ARHGEF10: variants seen among roughly 807,000 people sequenced by gnomAD.
The protein encoded by ARHGEF10 is Rho guanine nucleotide exchange factor (GEF) 10.
In ARHGEF10, 140 loss-of-function variants were observed where a neutral mutation model predicts 147.4. The ratio of observed to expected loss-of-function variants is 0.95; its 90% CI spans 0.83 to 1.09. ARHGEF10 has a LOEUF of 1.09. Ranked by LOEUF, ARHGEF10 falls within the 50% of genes least tolerant of loss-of-function variation. The pLI is 0.00. For missense variants in ARHGEF10, 2,222 were observed against 1,752.7 expected (o/e 1.27, Z -4.78); for synonymous variants, 902 against 695.8 (o/e 1.30, Z -4.67).
chr8:1,919,493 T>C (rs1262476483), intron 18 of ARHGEF10, among the ~76,000 whole-genome samples: 2 of 150,520 alleles, frequency 1.3e-5, no homozygotes, highest in African/African-American at 2.5e-5. Context: ...GTGATGGAGC[T>C]GTTCCGTGGG....
intron 3 of ARHGEF10, chr8:1,858,822 G>C (rs1187517755): frequency 1.1e-5 from 1 of 90,742 alleles, no homozygotes; most frequent in Admixed American, 1.3e-4. Flanking sequence ...TTCAGGTGTA[G>C]TACCAGCCTG....
At chr8:1,952,925 A>T (rs1055132860) in intron 28 of ARHGEF10, 98 bp downstream of exon 28, 3 of 1,522,748 alleles carry the variant, frequency 2.0e-6, no homozygotes, top group Non-Finnish European at 2.7e-6. Flanking sequence ...GATTCTTTAA[A>T]CAATTCATAT....
intron 25 of ARHGEF10, among the ~76,000 whole-genome samples, chr8:1,932,513 C>T (rs368756754): frequency 6.6e-6 from 1 of 151,660 alleles, no homozygotes; most frequent in Admixed American, 6.6e-5. Context: ...GGCATGTGCA[C>T]GTGTGTGTGT....
rs1378183981 is a variant in ARHGEF10, at chr8:1,945,603, C to A, written c.3345C>A (p.Leu1115=). Residue 1115 remains leucine, a synonymous_variant, in exon 27 of 29, where the codon CTC becomes CTA. Transcript: ENST00000349830. ...STLRLFHTET[L]KHLQDINIAT... Reference sequence around the variant, plus strand: ...TCCGCCTTTTTCACACGGAAACTCTCAAGCACCTGCAGGACATCAACATCG... The same window carrying A: ...TCCGCCTTTTTCACACGGAAACTCTAAAGCACCTGCAGGACATCAACATCG... 1.9e-6 allele frequency: 3 copies of A among 1,614,262 alleles called. No homozygotes were observed. The highest frequency in any genetic ancestry group is 1.3e-5 in the African/African-American group (1 of 75,068).
At chr8:1,951,550 C>G (rs1027400463) in intron 27 of ARHGEF10, among the ~76,000 whole-genome samples, 1 of 152,182 alleles carries the variant, frequency 6.6e-6, no homozygotes, top group Non-Finnish European at 1.5e-5. Context: ...GATACGGAGT[C>G]TTTGGCTCTG....
intron 9 of ARHGEF10, 35 bp downstream of exon 9, chr8:1,880,199 C>A (rs759315072): frequency 3.4e-6 from 5 of 1,490,908 alleles, no homozygotes; most frequent in Non-Finnish European, 4.7e-6. Flanking sequence ...CCCCCACTTG[C>A]CAGCCGGGCA....
intron 17 of ARHGEF10, among the ~76,000 whole-genome samples, chr8:1,908,261 C>G (rs927850558): frequency 3.0e-5 from 4 of 131,184 alleles, no homozygotes; most frequent in African/African-American, 6.5e-5. Context: ...GAAAGAGTCT[C>G]GCTCTGTCAC....
chr8:1,885,518 A>G, intron 10 of ARHGEF10, 83 bp from the exon 11 acceptor site: 3 of 988,506 alleles, frequency 3.0e-6, no homozygotes, highest in Non-Finnish European at 4.7e-6. Context: ...CAAAATATTT[A>G]TTTGACTTTT....
At chr8:1,941,613 A>C (rs1018153198) in intron 26 of ARHGEF10, among the ~76,000 whole-genome samples, 2 of 152,072 alleles carry the variant, frequency 1.3e-5, no homozygotes, top group Admixed American at 1.3e-4. Flanking sequence ...TGACAAGCAC[A>C]TCCTGAGATT....
intron 11 of ARHGEF10, among the ~76,000 whole-genome samples, chr8:1,886,606 G>C (rs935424248): frequency 6.6e-6 from 1 of 152,202 alleles, no homozygotes; most frequent in Non-Finnish European, 1.5e-5. Flanking sequence ...AGCATCACAC[G>C]AGTGACGGGA....
At chr8:1,866,382 T>C (rs1423070175) in intron 5 of ARHGEF10, 144 bp from the exon 6 acceptor site, 8 of 755,696 alleles carry the variant, frequency 1.1e-5, no homozygotes, top group African/African-American at 1.7e-5. Flanking sequence ...GCTGGGAAAA[T>C]ATGTGATTTC....
intron 2 of ARHGEF10, among the ~76,000 whole-genome samples, chr8:1,845,128 A>C (rs1406666147): frequency 6.6e-6 from 1 of 152,120 alleles, no homozygotes; most frequent in Non-Finnish European, 1.5e-5. Flanking sequence ...GGTGGGACTG[A>C]GACCCTGTCT....
intron 1 of ARHGEF10, among the ~76,000 whole-genome samples, chr8:1,841,842 A>ACCACGAGGCCAGGTG (rs1455031841): frequency 7.2e-4 from 82 of 114,544 alleles, no homozygotes; most frequent in Admixed American, 5.2e-3. Flanking sequence ...CGCGACGGGA[A>ACCACGAGGCCAGGTG]CTGGGGCCGC....
chr8:1,896,817 AC>A (rs1012550983), intron 14 of ARHGEF10, among the ~76,000 whole-genome samples: 1 of 152,186 alleles, frequency 6.6e-6, no homozygotes, highest in Non-Finnish European at 1.5e-5. Context: ...GGGGAGAGGC[AC>A]CGGCCTGGAG....
chr8:1,892,847 C>T (rs1436747862), intron 11 of ARHGEF10, among the ~76,000 whole-genome samples: 1 of 152,128 alleles, frequency 6.6e-6, no homozygotes, highest in Non-Finnish European at 1.5e-5. Flanking sequence ...TGATCACTAG[C>T]TGGACTGTGT....
In ARHGEF10 at chr8:1,929,332, C is replaced by T. The variant is rs753076955; in HGVS notation, c.2968C>T (p.Gln990Ter). ...SSQGSKKVRLQHFFTPEKSTV... is the reference protein window; with the variant it reads ...SSQGSKKVRL Reference sequence around the variant, plus strand: ...TCAAGGCTCCAAGAAAGTGAGACTTCAGCACTTTTTCACTCCTGAGAAGTC... The same window carrying T: ...TCAAGGCTCCAAGAAAGTGAGACTTTAGCACTTTTTCACTCCTGAGAAGTC... The change falls in exon 25 of 29, where the codon CAG becomes TAG. Residue 990 changes from glutamine (Q) to a stop codon, truncating the protein, a stop_gained. Transcript: ENST00000349830. LOFTEE classifies it high-confidence loss of function. 22 of 1,614,076 alleles carry T rather than the reference C, an allele frequency of 1.4e-5. No individual in the cohort carries two copies. Among genetic ancestry groups the T allele is most frequent in the Non-Finnish European group, 1.9e-5 (22 of 1,180,024 alleles).
intron 23 of ARHGEF10, chr8:1,927,115 T>G (rs906032495): frequency 6.3e-6 from 1 of 158,342 alleles, no homozygotes; most frequent in Non-Finnish European, 1.4e-5. Context: ...GTGTTCCTAG[T>G]TGAGTGTCAG....
chr8:1,878,421 G>A (rs980684265), intron 8 of ARHGEF10, among the ~76,000 whole-genome samples: 5 of 152,074 alleles, frequency 3.3e-5, no homozygotes, highest in Admixed American at 2.6e-4. Flanking sequence ...TCCTGACCTC[G>A]TGATCTGCCT....
At position 1,937,727 on chromosome 8, in the gene ARHGEF10, C is replaced by A. The variant is rs1393439367; in HGVS notation, c.3222+3785C>A. On this transcript the variant is annotated intron_variant, in intron 26 of 28. Coordinates refer to ENST00000349830, the MANE Select transcript of ARHGEF10 (RefSeq NM_014629.4). This position sits in a 1 kb window ranked among gnomAD's most constrained non-coding sequence, Gnocchi z 4.9. ...GAGCCCTGGGTATGTGTCCGCCTTGCTGACAGCGAGGGCAGCAGCTGCGGG... is the reference window on the plus strand; with the variant it reads ...GAGCCCTGGGTATGTGTCCGCCTTGATGACAGCGAGGGCAGCAGCTGCGGG... Among the ~76,000 whole-genome samples the A allele has an allele frequency of 6.6e-6, 1 of 152,242 alleles. No individual in the cohort carries two copies. Among genetic ancestry groups the A allele is most frequent in the Non-Finnish European group, 1.5e-5 (1 of 68,046 alleles).
Sources: gnomAD v4.1 joint callset for allele counts (sites outside exome capture counted in the v4.1 genomes callset) on GRCh38, gnomAD v4.1.1 for gene constraint, Gnocchi (gnomAD v3.1) non-coding constraint, MANE v1.5 for transcripts, NCBI Gene and HGNC (gene_info 2026-07-23, HGNC 2026-07-21) for gene names.